Variants in SUPT3H observed in about 807,000 individuals in gnomAD.
SUPT3H encodes the protein transcription initiation protein SPT3 homolog.
In SUPT3H, 44 loss-of-function variants were observed where a neutral mutation model predicts 44.3. The observed-to-expected ratio is 0.99, with a 90% CI of 0.78 to 1.28. The LOEUF (loss-of-function observed/expected upper bound fraction) is 1.28, where lower values mean the gene tolerates loss of function less well. Among genes scored for constraint, SUPT3H ranks in the 50% most tolerant of loss-of-function variants. The pLI is 0.00. For synonymous variants in SUPT3H, 124 were observed against 125.6 expected (o/e 0.99, Z 0.09); for missense variants, 380 against 387.1 (o/e 0.98, Z 0.15).
chr6:45,372,717 G>A (rs1251909713), intron 1 of SUPT3H, among the ~76,000 whole-genome samples: 1 of 152,084 alleles, frequency 6.6e-6, no homozygotes, highest in East Asian at 1.9e-4. Context: ...GGAGTACAGT[G>A]GCACAATCTC....
At position 44,827,436 on chromosome 6, in the gene SUPT3H, T is replaced by TTCTCA. The variant is rs911171684; in HGVS notation, c.*2375_*2379dup. On this transcript the variant is annotated 3_prime_UTR_variant, in exon 11 of 11. Coordinates refer to ENST00000371459, the MANE Select transcript of SUPT3H (RefSeq NM_003599.4). ...CCGACTGAAAATTAGGGACCATCGA[T>TTCTCA]TCTCATCTCTGGTCTGTCACTACAT... Among the ~76,000 whole-genome samples the TTCTCA allele has an allele frequency of 7.2e-5, 11 of 152,076 alleles. No individual in the cohort carries two copies. The highest frequency in any genetic ancestry group is 2.7e-4 in the African/African-American group (11 of 41,454).
intron 2 of SUPT3H, among the ~76,000 whole-genome samples, chr6:45,273,560 A>T (rs1393415216): frequency 6.6e-6 from 1 of 152,094 alleles, no homozygotes; most frequent in African/African-American, 2.4e-5. Context: ...TTTGTTGTTT[A>T]AAAAAAATGT....
intron 2 of SUPT3H, among the ~76,000 whole-genome samples, chr6:45,266,868 G>C (rs1775343874): frequency 6.6e-6 from 1 of 152,036 alleles, no homozygotes; most frequent in African/African-American, 2.4e-5. Context: ...CATCCAGAAT[G>C]CTCCAAAATC....
intron 5 of SUPT3H, among the ~76,000 whole-genome samples, chr6:45,014,152 GT>G (rs531788134): frequency 9.0e-4 from 133 of 148,120 alleles, no homozygotes; most frequent in African/African-American, 2.7e-3. Context: ...TCTATCAACT[GT>G]TTTTTTTTTA....
chr6:45,002,869 C>T (rs1238250837), intron 6 of SUPT3H, among the ~76,000 whole-genome samples: 1 of 7,268 alleles, frequency 1.4e-4, no homozygotes, highest in East Asian at 0.019. Flanking sequence ...AAAAAGTTGG[C>T]ACTTAGCACA....
chr6:44,989,098 A>G (rs1780244205), intron 6 of SUPT3H, among the ~76,000 whole-genome samples: 2 of 152,178 alleles, frequency 1.3e-5, no homozygotes, highest in Admixed American at 1.3e-4. Flanking sequence ...ATTTATAATA[A>G]CATGAGACAT....
At chr6:45,193,174 T>C (rs141871722) in intron 2 of SUPT3H, among the ~76,000 whole-genome samples, 4 of 152,248 alleles carry the variant, frequency 2.6e-5, no homozygotes, top group African/African-American at 9.6e-5. Context: ...ATAAATGTTC[T>C]TTGAAACTCT....
intron 2 of SUPT3H, among the ~76,000 whole-genome samples, chr6:45,175,399 GGAA>G (rs1359298542): frequency 1.3e-5 from 2 of 152,136 alleles, no homozygotes; most frequent in African/African-American, 4.8e-5. Flanking sequence ...CAAGACAGAA[GGAA>G]GAAGTGCTGA....
At chr6:45,169,536 G>T (rs1810441835) in intron 2 of SUPT3H, among the ~76,000 whole-genome samples, 4 of 152,006 alleles carry the variant, frequency 2.6e-5, no homozygotes. Flanking sequence ...AATATTGCTT[G>T]AACATAAAAA....
chr6:44,953,538 A>G, intron 8 of SUPT3H, 121 bp from the exon 9 acceptor site: 4 of 742,816 alleles, frequency 5.4e-6, no homozygotes, highest in Non-Finnish European at 6.8e-6. Context: ...CTAAAAATCT[A>G]TATTGTAGAC....
chr6:45,365,594 T>G (rs1474562110), intron 1 of SUPT3H, among the ~76,000 whole-genome samples: 3 of 150,284 alleles, frequency 2.0e-5, no homozygotes, highest in Non-Finnish European at 4.4e-5. Flanking sequence ...CATATTTTAC[T>G]AGAGCTCATT....
At chr6:45,320,302 C>T (rs922532327) in intron 2 of SUPT3H, among the ~76,000 whole-genome samples, 1 of 152,014 alleles carries the variant, frequency 6.6e-6, no homozygotes, top group African/African-American at 2.4e-5. Context: ...TTTGCTCTGT[C>T]GCCCAGGCTG....
chr6:45,308,078 A>C (rs1783356393), intron 2 of SUPT3H, among the ~76,000 whole-genome samples: 1 of 152,196 alleles, frequency 6.6e-6, no homozygotes, highest in Non-Finnish European at 1.5e-5. Context: ...AAAAGAAACA[A>C]AAGCAAAGCC....
chr6:45,268,924 A>C (rs1775687627), intron 2 of SUPT3H, among the ~76,000 whole-genome samples: 1 of 152,212 alleles, frequency 6.6e-6, no homozygotes, highest in African/African-American at 2.4e-5. Flanking sequence ...ACAACAATTC[A>C]TCAGGAAAAT....
At position 44,876,701 on chromosome 6, in the gene SUPT3H, C is replaced by G. The variant is rs113364043; in HGVS notation, c.913-46844G>C. Among the ~76,000 whole-genome samples, 1,369 of 147,848 alleles carry G rather than the reference C, an allele frequency of 9.3e-3. 15 individuals carry two copies. Among genetic ancestry groups the G allele is most frequent in the South Asian group, 0.03 (136 of 4,600 alleles). On this transcript the variant is annotated intron_variant, in intron 10 of 10. Transcript: ENST00000371459. ...AATTAAACAACATACTCTTAAATAA[C>G]CAATGGATCAAAGGAGAAACATCAA...
In SUPT3H at chr6:45,038,846, A is replaced by C. The variant is rs143086271; in HGVS notation, c.187-18214T>G. The stretch of plus-strand genomic sequence containing the variant: ...TTGATAAGGACTAATTTGGCAATTC[A>C]TTAAATTATACTTTACTGGGTGTAT... On this transcript the variant is annotated intron_variant, in intron 3 of 10. Transcript: ENST00000371459. Among the ~76,000 whole-genome samples the C allele has an allele frequency of 5.1e-4, 78 of 152,308 alleles. 2 individuals carry two copies. The East Asian group carries it at 0.013, about 24-fold the overall frequency.
rs551150152 is a variant in SUPT3H at position 45,315,966 on chromosome 6, T to C, written c.101+49235A>G. Among the ~76,000 whole-genome samples, 129 of 151,326 alleles carry C rather than the reference T, an allele frequency of 8.5e-4. 1 individual carries two copies. The highest frequency in any genetic ancestry group is 4.3e-3 in the Admixed American group (65 of 15,146). ...ATAGATAGATAGATAGATAGATAGA[T>C]AGATAGATGATGGAATACTACTCAA... On this transcript the variant is annotated intron_variant, in intron 2 of 10. Transcript: ENST00000371459.
chr6:44,829,886 A>G (rs775520782), intron 10 of SUPT3H, 29 bp from the exon 11 acceptor site: 2 of 1,611,302 alleles, frequency 1.2e-6, no homozygotes, highest in East Asian at 4.5e-5. Context: ...TCTGCAATGA[A>G]TTATCACATG....
intron 2 of SUPT3H, among the ~76,000 whole-genome samples, chr6:45,302,054 CATG>C (rs1782207097): frequency 6.6e-6 from 1 of 152,122 alleles, no homozygotes; most frequent in South Asian, 2.1e-4. Context: ...CTGGAGCCAG[CATG>C]ATAAGGAAGT....
Sources: gnomAD v4.1 joint callset for allele counts (sites outside exome capture counted in the v4.1 genomes callset) on GRCh38, gnomAD v4.1.1 for gene constraint, MANE v1.5 for transcripts, NCBI Gene and HGNC (gene_info 2026-07-23, HGNC 2026-07-21) for gene names.